The following ZNF804B variants were observed in gnomAD, a reference collection of about 807,000 sequenced individuals.
The protein encoded by ZNF804B is zinc finger protein 804B.
ZNF804B carries 80 observed loss-of-function variants against 101.4 expected under a neutral mutation model. The ratio of observed to expected loss-of-function variants is 0.79; its 90% confidence interval spans 0.66 to 0.95. ZNF804B has a LOEUF of 0.95. Among genes scored for constraint, ZNF804B ranks in the 40% least tolerant of loss-of-function variants. ZNF804B has a pLI of 0.00. For missense variants in ZNF804B, 1,673 were observed against 1,561.9 expected (o/e 1.07, Z -1.20); for synonymous variants, 622 against 558.8 (o/e 1.11, Z -1.59).
intron 2 of ZNF804B, among the ~76,000 whole-genome samples, chr7:89,315,219 G>C (rs1790707255): frequency 6.6e-6 from 1 of 152,128 alleles, no homozygotes; most frequent in Non-Finnish European, 1.5e-5. Flanking sequence ...CACTCACTAT[G>C]ATGAGGACAG....
chr7:89,172,661 T>C (rs1791254599), intron 1 of ZNF804B, among the ~76,000 whole-genome samples: 1 of 152,174 alleles, frequency 6.6e-6, no homozygotes, highest in South Asian at 2.1e-4. Flanking sequence ...AATTGAAATA[T>C]AGGTATTTAT....
chr7:89,202,604 A>T (rs771966994), intron 1 of ZNF804B, among the ~76,000 whole-genome samples: 22 of 152,168 alleles, frequency 1.4e-4, no homozygotes, highest in Non-Finnish European at 2.4e-4. Context: ...AAGATTCCAG[A>T]GATCCATGTA....
chr7:88,987,136 A>G (rs1218338889), intron 1 of ZNF804B, among the ~76,000 whole-genome samples: 1 of 152,066 alleles, frequency 6.6e-6, no homozygotes, highest in African/African-American at 2.4e-5. Flanking sequence ...TTTATTCCTT[A>G]CTAAGCTCTC....
chr7:89,226,208 A>T (rs903818487), intron 2 of ZNF804B, among the ~76,000 whole-genome samples: 1 of 152,110 alleles, frequency 6.6e-6, no homozygotes, highest in African/African-American at 2.4e-5. Flanking sequence ...TCCACTTTTG[A>T]TTATTATGAA....
chr7:89,185,874 G>A (rs1408381937), intron 1 of ZNF804B, among the ~76,000 whole-genome samples: 1 of 150,698 alleles, frequency 6.6e-6, no homozygotes, highest in Non-Finnish European at 1.5e-5. Flanking sequence ...CTGAGACCCT[G>A]TCTCAATAAG....
intron 1 of ZNF804B, among the ~76,000 whole-genome samples, chr7:89,026,222 A>G (rs1352168678): frequency 2.0e-5 from 3 of 152,184 alleles, no homozygotes; most frequent in Non-Finnish European, 4.4e-5. Flanking sequence ...GTAATATACC[A>G]TAACAAGTGA....
At chr7:89,072,384 G>A (rs1789555764) in intron 1 of ZNF804B, among the ~76,000 whole-genome samples, 1 of 152,128 alleles carries the variant, frequency 6.6e-6, no homozygotes, top group Non-Finnish European at 1.5e-5. Flanking sequence ...CTTGCCAGAA[G>A]ATTGCATAAC....
intron 1 of ZNF804B, among the ~76,000 whole-genome samples, chr7:88,840,454 G>A (rs1791279052): frequency 1.3e-5 from 2 of 152,032 alleles, no homozygotes; most frequent in African/African-American, 2.4e-5. Context: ...AAATAAGAAT[G>A]CCATGAATTT....
At chr7:89,071,124 G>A (rs1329452403) in intron 1 of ZNF804B, among the ~76,000 whole-genome samples, 1 of 151,824 alleles carries the variant, frequency 6.6e-6, no homozygotes, top group Non-Finnish European at 1.5e-5. Flanking sequence ...TTGTTATACT[G>A]TGTTGTTTCA....
At chr7:89,284,534 A>G (rs1486735453) in intron 2 of ZNF804B, among the ~76,000 whole-genome samples, 1 of 152,204 alleles carries the variant, frequency 6.6e-6, no homozygotes, top group Non-Finnish European at 1.5e-5. Context: ...GACCGCTGTA[A>G]AAAAAGAAAG....
At chr7:89,134,137 C>T (rs1007678882) in intron 1 of ZNF804B, among the ~76,000 whole-genome samples, 1 of 152,006 alleles carries the variant, frequency 6.6e-6, no homozygotes, top group Admixed American at 6.6e-5. Flanking sequence ...ACAAAAAATA[C>T]CCTGTTAATC....
Position 89,315,160 on chromosome 7 carries a change from C to T in ZNF804B, c.250-12184C>T, listed in dbSNP as rs184580537. On this transcript the variant is annotated intron_variant, in intron 2 of 3. Coordinates refer to ENST00000333190, the MANE Select transcript of ZNF804B (RefSeq NM_181646.5). Reference sequence around the variant, plus strand: ...TCACATGGTGAGAGCGAGAGCAAGGCGGGGCGGAGGTGCTACACACTTTTA... The same window carrying T: ...TCACATGGTGAGAGCGAGAGCAAGGTGGGGCGGAGGTGCTACACACTTTTA... Among the ~76,000 whole-genome samples, 289 of 152,106 alleles carry T rather than the reference C, an allele frequency of 1.9e-3. 3 individuals carry two copies. In the South Asian group the frequency reaches 0.027, roughly 14 times the overall value.
Position 88,926,551 on chromosome 7 carries a change from TGAGCC to T in ZNF804B, c.108+166471_108+166475del, listed in dbSNP as rs1792801203. Reference sequence around the variant, plus strand: ...ACCCGGGAGGCGGAGGAGGTTACACTGAGCCGAGATCACGCCATAGCACTCCAGCC... The same window carrying T: ...ACCCGGGAGGCGGAGGAGGTTACACTGAGATCACGCCATAGCACTCCAGCC... On this transcript the variant is annotated intron_variant, in intron 1 of 3. Transcript: ENST00000333190. 3.3e-5 allele frequency among the ~76,000 whole-genome samples: 5 copies of T among 152,000 alleles called. No individual in the cohort carries two copies. The South Asian group carries it at 8.3e-4, about 25-fold the overall frequency.
chr7:88,921,403 G>A (rs1229475912), intron 1 of ZNF804B, among the ~76,000 whole-genome samples: 3 of 152,094 alleles, frequency 2.0e-5, no homozygotes, highest in African/African-American at 7.2e-5. Flanking sequence ...TTGGCCCAGA[G>A]TAGTAGAAGA....
chr7:89,126,087 C>G (rs572279155), intron 1 of ZNF804B, among the ~76,000 whole-genome samples: 1 of 151,664 alleles, frequency 6.6e-6, no homozygotes, highest in Non-Finnish European at 1.5e-5. Context: ...CAAAAAATGA[C>G]TTGACTAACA....
chr7:89,332,630 A>C (rs1791004221), intron 3 of ZNF804B, among the ~76,000 whole-genome samples: 1 of 151,906 alleles, frequency 6.6e-6, no homozygotes, highest in African/African-American at 2.4e-5. Context: ...AATCTTCTGT[A>C]TGAATTGCTA....
chr7:88,921,926 G>T (rs528839093), intron 1 of ZNF804B, among the ~76,000 whole-genome samples: 175 of 152,068 alleles, frequency 1.2e-3, no homozygotes, highest in African/African-American at 4.0e-3. Context: ...CCTCACTAAA[G>T]AAGAATTTAA....
chr7:89,313,972 T>A (rs934666139), intron 2 of ZNF804B, among the ~76,000 whole-genome samples: 2 of 152,178 alleles, frequency 1.3e-5, no homozygotes, highest in African/African-American at 4.8e-5. Context: ...AATTAGATGC[T>A]TGGACATGTC....
At chr7:88,821,451 A>G (rs1790979583) in intron 1 of ZNF804B, among the ~76,000 whole-genome samples, 1 of 152,214 alleles carries the variant, frequency 6.6e-6, no homozygotes, top group South Asian at 2.1e-4. Flanking sequence ...TATTTCCAAT[A>G]CGGATATACT....
Sources: allele counts gnomAD v4.1 joint callset (sites outside exome capture counted in the v4.1 genomes callset), GRCh38; gene constraint gnomAD v4.1.1; transcripts MANE v1.5; gene names NCBI Gene and HGNC (gene_info 2026-07-23, HGNC 2026-07-21).